Variants in SNX30 observed in about 807,000 individuals in gnomAD.
The protein encoded by SNX30 is sorting nexin-30.
A neutral mutation model predicts 46.4 loss-of-function variants in SNX30; 24 were observed. The observed-to-expected ratio is 0.52, with a 90% confidence interval of 0.37 to 0.73. The LOEUF is 0.73. SNX30 is among the 30% of genes least tolerant of loss of function. SNX30 has a pLI of 0.00. For synonymous variants in SNX30, 189 were observed against 211.5 expected (o/e 0.89, Z 0.92); for missense variants, 533 against 555.7 (o/e 0.96, Z 0.41).
intron 2 of SNX30, among the ~76,000 whole-genome samples, chr9:112,816,905 A>G (rs1174466714): frequency 6.6e-6 from 1 of 152,234 alleles, no homozygotes; most frequent in Non-Finnish European, 1.5e-5. Context: ...TTTGGTAAAA[A>G]TCAACTCAAT....
chr9:112,830,648 A>C (rs1840646025), intron 3 of SNX30, 77 bp from the exon 4 acceptor site: 2 of 1,361,532 alleles, frequency 1.5e-6, no homozygotes, highest in East Asian at 4.6e-5. Context: ...GGGGTAATAG[A>C]ACTGTGTGCT....
chr9:112,837,861 A>G (rs1190478886), intron 5 of SNX30, among the ~76,000 whole-genome samples: 1 of 145,670 alleles, frequency 6.9e-6, no homozygotes, highest in Non-Finnish European at 1.5e-5. Flanking sequence ...ACTGCTTCAC[A>G]CTATGGGTAG....
chr9:112,792,446 A>T (rs1840041842), intron 1 of SNX30, among the ~76,000 whole-genome samples: 1 of 152,126 alleles, frequency 6.6e-6, no homozygotes. Flanking sequence ...TTTTATTGAG[A>T]CAGCATCTCT....
At chr9:112,784,722 T>G (rs1293618845) in intron 1 of SNX30, among the ~76,000 whole-genome samples, 1 of 152,220 alleles carries the variant, frequency 6.6e-6, no homozygotes, top group African/African-American at 2.4e-5. Context: ...AGTGGTTTTC[T>G]TATGACCTCA....
At chr9:112,834,160 G>A (rs142598348) in intron 4 of SNX30, among the ~76,000 whole-genome samples, 8 of 151,794 alleles carry the variant, frequency 5.3e-5, no homozygotes, top group Admixed American at 1.3e-4. Context: ...ACCAAATTGC[G>A]GGGTGGGGGT....
chr9:112,811,690 A>G lies in SNX30; in HGVS notation c.349-6015A>G, dbSNP rs536820484. 2.6e-5 allele frequency among the ~76,000 whole-genome samples: 4 copies of G among 152,320 alleles called. No homozygotes were observed. In the South Asian group the frequency reaches 8.3e-4, roughly 32 times the overall value. On this transcript the variant is annotated intron_variant, in intron 2 of 8. Transcript: ENST00000374232. ...TTCTTGTGCTTGGTCACCTGTTCTT[A>G]GACCTGACTGTACATGTGCGCCCGT...
chr9:112,881,804 C>T (rs1043573181), downstream of SNX30: 4 of 152,254 alleles, frequency 2.6e-5, no homozygotes, highest in African/African-American at 9.6e-5. Context: ...ATGAAATCAT[C>T]ATCACTGCAT....
At chr9:112,794,239 G>A (rs1489882326) in intron 1 of SNX30, among the ~76,000 whole-genome samples, 7 of 151,864 alleles carry the variant, frequency 4.6e-5, no homozygotes, top group East Asian at 1.9e-4. Flanking sequence ...TGCACCCGCC[G>A]CCTCCCAAGT....
At chr9:112,751,237 CCT>C in intron 1 of SNX30, 80 bp downstream of exon 1, 1 of 1,289,646 alleles carries the variant, frequency 7.8e-7, no homozygotes, top group Non-Finnish European at 9.9e-7. Flanking sequence ...CCTTCGTGGG[CCT>C]GGGGCCGCGC....
chr9:112,753,437 G>A (rs1356330130), intron 1 of SNX30, among the ~76,000 whole-genome samples: 5 of 152,150 alleles, frequency 3.3e-5, no homozygotes, highest in African/African-American at 9.7e-5. Context: ...AGGCTGGAGC[G>A]CAGTGGCCTG....
intron 8 of SNX30, among the ~76,000 whole-genome samples, chr9:112,867,322 A>G (rs1481274405): frequency 6.5e-5 from 9 of 137,452 alleles, no homozygotes; most frequent in African/African-American, 2.2e-4. Context: ...ACCTCCTCAG[A>G]ATTCCTCCTC....
intron 1 of SNX30, among the ~76,000 whole-genome samples, chr9:112,771,582 T>C (rs1839649951): frequency 6.6e-6 from 1 of 152,174 alleles, no homozygotes; most frequent in Non-Finnish European, 1.5e-5. Context: ...TTCAAGAGTA[T>C]AGTCTCCCCG....
chr9:112,830,962 C>A, intron 4 of SNX30, 79 bp downstream of exon 4: 1 of 1,404,650 alleles, frequency 7.1e-7, no homozygotes. Flanking sequence ...TTGAGCAGGA[C>A]TCGGTCTCTA....
intron 1 of SNX30, among the ~76,000 whole-genome samples, chr9:112,772,215 C>G (rs1839663780): frequency 6.6e-6 from 1 of 152,134 alleles, no homozygotes; most frequent in East Asian, 1.9e-4. Context: ...TTCAGTTTCT[C>G]CCCAGAGAGA....
chr9:112,795,442 A>C (rs1357162123), intron 1 of SNX30, among the ~76,000 whole-genome samples: 1 of 152,092 alleles, frequency 6.6e-6, no homozygotes, highest in Non-Finnish European at 1.5e-5. Flanking sequence ...TTTGATAGGC[A>C]AGGGATTGAA....
chr9:112,870,522 G>A lies in SNX30; in HGVS notation c.*1679G>A, dbSNP rs902555254. On this transcript the variant is annotated 3_prime_UTR_variant, in exon 9 of 9. Transcript: ENST00000374232. ...TTAAATGATAATGTTTAAATCAATT[G>A]GTACTTGCCTGTAGTGTTAAACCCT... is the stretch of plus-strand genomic sequence containing the variant. 1 of 152,170 alleles carries A rather than the reference G, an allele frequency of 6.6e-6. No individual in the cohort carries two copies. The highest frequency in any genetic ancestry group is 1.5e-5 in the Non-Finnish European group (1 of 68,030). The allele number at this position is 152,170 out of a possible 1,614,324, so 9.4% of individuals were successfully genotyped here.
chr9:112,837,810 C>G (rs1840783131), intron 5 of SNX30, among the ~76,000 whole-genome samples: 1 of 151,560 alleles, frequency 6.6e-6, no homozygotes, highest in Non-Finnish European at 1.5e-5. Context: ...AAACATCTCC[C>G]TAAACCTATA....
chr9:112,826,052 C>G (rs113496462), intron 3 of SNX30, among the ~76,000 whole-genome samples: 3 of 152,174 alleles, frequency 2.0e-5, no homozygotes, highest in African/African-American at 7.2e-5. Context: ...AAGAATGGAC[C>G]CCTATTGTAG....
intron 4 of SNX30, 80 bp downstream of exon 4, chr9:112,830,963 T>A: frequency 7.1e-7 from 1 of 1,401,938 alleles, no homozygotes. Flanking sequence ...TGAGCAGGAC[T>A]CGGTCTCTAC....
Sources: gnomAD v4.1 joint callset for allele counts (sites outside exome capture counted in the v4.1 genomes callset) on GRCh38, gnomAD v4.1.1 for gene constraint, MANE v1.5 for transcripts, NCBI Gene and HGNC (gene_info 2026-07-23, HGNC 2026-07-21) for gene names.